The following AKAP11 variants were observed in gnomAD, a reference collection of about 807,000 sequenced individuals.
AKAP11 encodes the protein A-kinase anchor protein 11.
A neutral mutation model predicts 146.1 loss-of-function variants in AKAP11; 36 were observed. That is an observed-to-expected ratio of 0.25 (90% CI 0.19 to 0.33). The LOEUF (loss-of-function observed/expected upper bound fraction) is 0.33. AKAP11 is among the 10% of genes least tolerant of loss of function. The pLI is 1.00. For missense variants in AKAP11, 2,201 were observed against 2,197.0 expected (o/e 1.00, Z -0.04); for synonymous variants, 780 against 786.5 (o/e 0.99, Z 0.14).
Position 42,302,291 on chromosome 13 carries a change from T to C in AKAP11, c.3545T>C (p.Leu1182Pro). The C allele has an allele frequency of 6.2e-7, 1 of 1,614,140 alleles. No homozygotes were observed. Among genetic ancestry groups the C allele is most frequent in the Non-Finnish European group, 8.5e-7 (1 of 1,180,022 alleles). ...EEVESSESGE[L>P]PEVDVKSEHS... is the part of the protein sequence containing the mutation. Reference sequence around the variant, plus strand: ...GTTGAGAGTAGTGAAAGTGGAGAGCTCCCAGAAGTGGATGTGAAGTCGGAG... The same window carrying C: ...GTTGAGAGTAGTGAAAGTGGAGAGCCCCCAGAAGTGGATGTGAAGTCGGAG... Residue 1182 changes from leucine (L) to proline (P), a missense_variant, in exon 8 of 13, where the codon CTC becomes CCC. By Grantham distance (98) the Leu-to-Pro change is moderately conservative (BLOSUM62 -3). Around this residue, in one of 3 missense-constraint regions of AKAP11, gnomAD observed 1,867 missense variants for 1,833.5 expected, o/e 1.02. Transcript: ENST00000025301.
chr13:42,281,609 A>G (rs1959060525), intron 1 of AKAP11, among the ~76,000 whole-genome samples: 1 of 152,166 alleles, frequency 6.6e-6, no homozygotes, highest in Admixed American at 6.5e-5. Flanking sequence ...TTCATTCAGA[A>G]AAGTACAAAA....
rs753921230 is a variant in AKAP11 at position 42,300,365 on chromosome 13, AAAAT to A, written c.1624_1627del (p.Lys542ProfsTer2). On this transcript the variant is annotated frameshift_variant, in exon 8 of 13. Coordinates refer to ENST00000025301, the MANE Select transcript of AKAP11 (RefSeq NM_016248.4). LOFTEE classifies it high-confidence loss of function. ...AACCTTGATCAAAAAAATAAATCTA[AAAAT>A]AAATCCTTAATGATTAAAGATAGCA... 1 of 1,605,424 alleles carries A rather than the reference AAAAT, an allele frequency of 6.2e-7. No individual in the cohort carries two copies. The highest frequency in any genetic ancestry group is 1.1e-5 in the South Asian group (1 of 88,364).
At chr13:42,276,563 G>A (rs2138401621) in intron 1 of AKAP11, among the ~76,000 whole-genome samples, 1 of 152,260 alleles carries the variant, frequency 6.6e-6, no homozygotes, top group East Asian at 1.9e-4. Context: ...ATATTCCTAT[G>A]TTGATATAAA....
At position 42,317,680 on chromosome 13, in the gene AKAP11, T is replaced by G. The variant is rs1418359115; in HGVS notation, c.5557T>G (p.Phe1853Val). The change falls in exon 12 of 13, where the codon TTT (phenylalanine) becomes GTT (valine). Residue 1853 changes from phenylalanine to valine, a missense_variant. Coordinates refer to ENST00000025301, the MANE Select transcript of AKAP11 (RefSeq NM_016248.4). ...LYFHDSANKE[F>V]MLLSKQLQEK... The stretch of plus-strand genomic sequence containing the variant: ...TTTTCATGACTCTGCAAATAAGGAG[T>G]TTATGCTAGTAAGTACCTACCTTAC... The G allele has an allele frequency of 6.2e-7, 1 of 1,613,488 alleles. No homozygotes were observed. The highest frequency in any genetic ancestry group is 8.5e-7 in the Non-Finnish European group (1 of 1,179,826).
In AKAP11 at chr13:42,301,079, C is replaced by T. The variant is rs1412492112; in HGVS notation, c.2333C>T (p.Thr778Ile). The T allele has an allele frequency of 1.2e-6, 2 of 1,613,980 alleles. No individual in the cohort carries two copies. Among genetic ancestry groups the T allele is most frequent in the Non-Finnish European group, 8.5e-7 (1 of 1,179,986 alleles). Reference sequence around the variant, plus strand: ...TTGTTTTGTACTTCTGGAATTGTTACTTCTATACCGGTGCCCTTGGCAGGA... The same window carrying T: ...TTGTTTTGTACTTCTGGAATTGTTATTTCTATACCGGTGCCCTTGGCAGGA... ...QALFCTSGIV[T>I]SIPVPLAGSA... The change falls in exon 8 of 13, where the codon ACT (threonine) becomes ATT (isoleucine). Residue 778 changes from threonine to isoleucine, a missense_variant. Thr to Ile is a moderately conservative substitution (Grantham distance 89, BLOSUM62 -1). Transcript: ENST00000025301.
chr13:42,311,070 T>C (rs1377984120), intron 9 of AKAP11, among the ~76,000 whole-genome samples: 1 of 152,172 alleles, frequency 6.6e-6, no homozygotes, highest in East Asian at 1.9e-4. Context: ...TCTTAGGAAT[T>C]ATGAATTAGA....
chr13:42,319,448 A>G lies in AKAP11; in HGVS notation c.*220A>G, dbSNP rs2138733612. On this transcript the variant is annotated 3_prime_UTR_variant, in exon 13 of 13. Transcript: ENST00000025301. ...TACCTTCATTTATTCTTCTATACAC[A>G]TGTGTAGTGTGTCAAGACCCTAAGA... is the stretch of plus-strand genomic sequence containing the variant. 1 of 545,366 alleles carries G rather than the reference A, an allele frequency of 1.8e-6. No homozygotes were observed. The highest frequency in any genetic ancestry group is 2.9e-5 in the South Asian group (1 of 34,422). 33.8% of individuals were successfully genotyped at this position (545,366 alleles called of 1,614,324 possible).
chr13:42,302,982 T>C lies in AKAP11; in HGVS notation c.4236T>C (p.Phe1412=). The C allele has an allele frequency of 6.2e-7, 1 of 1,613,714 alleles. No homozygotes were observed. Among genetic ancestry groups the C allele is most frequent in the Non-Finnish European group, 8.5e-7 (1 of 1,179,988 alleles). The change falls in exon 8 of 13, where the codon TTT becomes TTC. Residue 1412 remains phenylalanine (F), a synonymous_variant. Coordinates refer to ENST00000025301, the MANE Select transcript of AKAP11 (RefSeq NM_016248.4). The part of the protein sequence containing the change: ...QVKTNKELLM[F]SNKEHHQEAD... ...AAACAAACAAGGAACTGTTAATGTT[T>C]TCAAACAAAGAGCACCACCAAGAAG... is the stretch of plus-strand genomic sequence containing the variant.
At chr13:42,293,232 C>T (rs555927124) in intron 4 of AKAP11, among the ~76,000 whole-genome samples, 2 of 152,140 alleles carry the variant, frequency 1.3e-5, no homozygotes, top group African/African-American at 2.4e-5. Flanking sequence ...GACTTATGAT[C>T]GAGTTACATC....
chr13:42,306,734 C>T (rs1218603331), intron 8 of AKAP11, among the ~76,000 whole-genome samples: 1 of 152,152 alleles, frequency 6.6e-6, no homozygotes, highest in African/African-American at 2.4e-5. Context: ...CCTGATGTCC[C>T]TTTTTGTTTG....
In AKAP11 at chr13:42,286,452, A is replaced by T. The variant is rs1959167078; in HGVS notation, c.51+53A>T. On this transcript the variant is annotated intron_variant, in intron 3 of 12. Transcript: ENST00000025301. ...AGTGAAAGTTTTAATTAAAATGTTG[A>T]TTTTTTTTTAAGTCCTACAGCTATG... The T allele has an allele frequency of 2.9e-6, 4 of 1,399,606 alleles. No individual in the cohort carries two copies. The Admixed American group carries it at 6.4e-5, about 22-fold the overall frequency. 86.7% of individuals were successfully genotyped at this position (1,399,606 alleles called of 1,614,324 possible). A position where few individuals can be genotyped will look rare whatever the true frequency, so the allele number is the denominator to read the frequency against.
Position 42,299,602 on chromosome 13 carries a change from A to G in AKAP11, c.856A>G (p.Asn286Asp). Residue 286 changes from asparagine (N) to aspartate (D), a missense_variant, in exon 8 of 13, where the codon AAT becomes GAT. Asn to Asp is a conservative substitution (Grantham distance 23, BLOSUM62 1). Coordinates refer to ENST00000025301, the MANE Select transcript of AKAP11 (RefSeq NM_016248.4). ...WTQRSFYRSS[N>D]ASDKDSDLQK... ...CCAAAGGAGTTTCTATAGGTCATCT[A>G]ATGCTTCAGATAAAGATAGTGATTT... 3 of 1,614,018 alleles carry G rather than the reference A, an allele frequency of 1.9e-6. No individual in the cohort carries two copies. Among genetic ancestry groups the G allele is most frequent in the Non-Finnish European group, 2.5e-6 (3 of 1,179,898 alleles).
chr13:42,277,274 C>A (rs1180716096), intron 1 of AKAP11, among the ~76,000 whole-genome samples: 1 of 152,178 alleles, frequency 6.6e-6, no homozygotes, highest in Non-Finnish European at 1.5e-5. Context: ...AAACTGTATT[C>A]AAATGTAGGT....
rs1298902338 is a variant in AKAP11 at position 42,302,771 on chromosome 13, C to T, written c.4025C>T (p.Thr1342Ile). The T allele has an allele frequency of 3.7e-6, 6 of 1,613,940 alleles. No individual in the cohort carries two copies. In the East Asian group the frequency reaches 1.3e-4, roughly 36 times the overall value. ...MYKYPSCESV[T>I]DEYAGHLIQI... Reference sequence around the variant, plus strand: ...AAGTATCCCAGCTGTGAAAGTGTGACAGATGAATATGCAGGTCACCTTATT... The same window carrying T: ...AAGTATCCCAGCTGTGAAAGTGTGATAGATGAATATGCAGGTCACCTTATT... The change falls in exon 8 of 13, where the codon ACA becomes ATA. Residue 1342 changes from threonine to isoleucine, a missense_variant. By Grantham distance (89) the Thr-to-Ile change is moderately conservative. This residue lies in a region of AKAP11 where 1,867 missense variants were observed against 1,833.5 expected (regional missense o/e 1.02). Transcript: ENST00000025301.
At chr13:42,289,730 C>G (rs1008684073) in intron 3 of AKAP11, among the ~76,000 whole-genome samples, 11 of 152,096 alleles carry the variant, frequency 7.2e-5, no homozygotes, top group African/African-American at 2.7e-4. Flanking sequence ...TTTGCACTTA[C>G]CATGTCATGA....
chr13:42,300,970 T>G lies in AKAP11; in HGVS notation c.2224T>G (p.Phe742Val). ...AGTGCCATCGACACAGGCTGTCACG[T>G]TTTCCCCTTCTTTTCACAATCAAGC... Reference protein sequence around the residue: ...SVVPSTQAVTFSPSFHNQAIM... With the variant: ...SVVPSTQAVTVSPSFHNQAIM... The change falls in exon 8 of 13, where the codon TTT (phenylalanine) becomes GTT (valine). Residue 742 changes from phenylalanine to valine, a missense_variant. Around this residue, in one of 3 missense-constraint regions of AKAP11, gnomAD observed 1,867 missense variants for 1,833.5 expected, o/e 1.02. Transcript: ENST00000025301. 2.5e-6 allele frequency: 4 copies of G among 1,614,092 alleles called. No individual in the cohort carries two copies. The highest frequency in any genetic ancestry group is 3.4e-6 in the Non-Finnish European group (4 of 1,179,966).
chr13:42,314,009 C>T, intron 11 of AKAP11, 69 bp downstream of exon 11: 1 of 1,469,060 alleles, frequency 6.8e-7, no homozygotes, highest in African/African-American at 1.4e-5. Context: ...AGTCTTTATG[C>T]ATTTTCATCA....
Position 42,308,458 on chromosome 13 carries a change from A to G in AKAP11, c.5122A>G (p.Lys1708Glu), listed in dbSNP as rs1960391429. 1 of 1,575,174 alleles carries G rather than the reference A, an allele frequency of 6.3e-7. No homozygotes were observed. The highest frequency in any genetic ancestry group is 8.6e-7 in the Non-Finnish European group (1 of 1,160,168). ...TTCTTTTTTTCTTCTTTTTAGTTCA[A>G]AAGAAATAGAAGACTTTCAGTCAAC... ...TNVGHAVSSS[K>E]EIEDFQSTES... The change falls in exon 9 of 13, where the codon AAA (lysine) becomes GAA (glutamate). Residue 1708 changes from lysine (K) to glutamate (E), a missense_variant. Coordinates refer to ENST00000025301, the MANE Select transcript of AKAP11 (RefSeq NM_016248.4).
chr13:42,301,627 A>G lies in AKAP11; in HGVS notation c.2881A>G (p.Ile961Val). 1.2e-6 allele frequency: 2 copies of G among 1,614,092 alleles called. No individual in the cohort carries two copies. Among genetic ancestry groups the G allele is most frequent in the Non-Finnish European group, 1.7e-6 (2 of 1,179,986 alleles). The change falls in exon 8 of 13, where the codon ATA becomes GTA. Residue 961 changes from isoleucine (I) to valine (V), a missense_variant. By Grantham distance (29) the Ile-to-Val change is conservative. Coordinates refer to ENST00000025301, the MANE Select transcript of AKAP11 (RefSeq NM_016248.4). ...IDKSKSVIPN[I>V]DKNAVYKESL... ...TAAGAGCAAATCAGTGATCCCAAAT[A>G]TAGATAAAAATGCAGTATACAAGGA...
Sources: gnomAD v4.1 joint callset for allele counts (sites outside exome capture counted in the v4.1 genomes callset) on GRCh38, gnomAD v4.1.1 for gene constraint, gnomAD v4.1.1 regional missense constraint, MANE v1.5 for transcripts, NCBI Gene and HGNC (gene_info 2026-07-23, HGNC 2026-07-21) for gene names.